The following SLC9A7 variants were observed in gnomAD, a reference collection of about 807,000 sequenced individuals.
The protein encoded by SLC9A7 is sodium/hydrogen exchanger 7.
SLC9A7 carries 19 observed loss-of-function variants against 52.6 expected under a neutral mutation model. That is an observed-to-expected ratio of 0.36 (90% CI 0.25 to 0.53). The LOEUF is 0.53. Among genes scored for constraint, SLC9A7 ranks in the 20% least tolerant of loss-of-function variants. The probability of loss-of-function intolerance (pLI) is 0.91; values close to 1 mark genes in which losing one functional copy is unlikely to be tolerated. For synonymous variants in SLC9A7, 226 were observed against 252.1 expected (o/e 0.90, Z 0.98); for missense variants, 455 against 597.9 (o/e 0.76, Z 2.49).
At chrX:46,628,914 T>C (rs192336032) in intron 14 of SLC9A7, among the ~76,000 whole-genome samples, 14 of 112,584 alleles carry the variant, frequency 1.2e-4, no homozygotes, top group Non-Finnish European at 1.9e-4. Context: ...AGTGGCTCAC[T>C]AGAATGAGGA....
At chrX:46,758,645 C>A in intron 1 of SLC9A7, 60 bp downstream of exon 1, 1 of 826,545 alleles carries the variant, frequency 1.2e-6, no homozygotes, top group Non-Finnish European at 1.6e-6. Flanking sequence ...CCGCGCGGCG[C>A]CAGGAGGAGC....
chrX:46,679,942 C>G (rs936432871), intron 2 of SLC9A7, among the ~76,000 whole-genome samples, 187 bp from the exon 3 acceptor site: 1 of 112,274 alleles, frequency 8.9e-6, no homozygotes, highest in Admixed American at 9.4e-5. Context: ...ATGCTCTTCT[C>G]CCCATAACAC....
At chrX:46,620,426 A>G (rs1452876863) in intron 15 of SLC9A7, among the ~76,000 whole-genome samples, 3 of 111,195 alleles carry the variant, frequency 2.7e-5, no homozygotes, top group Non-Finnish European at 5.7e-5. Flanking sequence ...CTCAAAAACA[A>G]AAAACAAACA....
intron 10 of SLC9A7, among the ~76,000 whole-genome samples, chrX:46,650,173 T>C (rs1943559286): frequency 8.9e-6 from 1 of 111,838 alleles, no homozygotes; most frequent in Non-Finnish European, 1.9e-5. Context: ...AGAAAAACAC[T>C]GCTTTTTTGC....
At chrX:46,722,364 A>C (rs986912460) in intron 1 of SLC9A7, among the ~76,000 whole-genome samples, 1 of 112,216 alleles carries the variant, frequency 8.9e-6, no homozygotes. Flanking sequence ...GCTTTAAAAA[A>C]AACACTTTGT....
intron 15 of SLC9A7, 52 bp downstream of exon 15, chrX:46,620,925 G>A: frequency 4.3e-6 from 4 of 936,924 alleles, no homozygotes; most frequent in Non-Finnish European, 6.1e-6. Flanking sequence ...AATTCAACAA[G>A]ATTTCATCCC....
chrX:46,673,766 G>A (rs183733267), intron 3 of SLC9A7, among the ~76,000 whole-genome samples: 2 of 111,520 alleles, frequency 1.8e-5, no homozygotes, highest in African/African-American at 6.5e-5. Flanking sequence ...CTGCATCCCA[G>A]ACACAGGGCC....
chrX:46,679,199 G>A (rs1944171910), intron 3 of SLC9A7, among the ~76,000 whole-genome samples: 1 of 112,618 alleles, frequency 8.9e-6, no homozygotes, highest in Admixed American at 9.4e-5. Context: ...GTTGTTGGGT[G>A]TATCAATAGG....
chrX:46,752,426 G>C (rs1556288805), intron 1 of SLC9A7, among the ~76,000 whole-genome samples: 1 of 111,138 alleles, frequency 9.0e-6, no homozygotes, highest in South Asian at 3.8e-4. Context: ...TAGTCTCTTT[G>C]ACCTCCCTTA....
chrX:46,608,976 A>T (rs769160416), intron 16 of SLC9A7, among the ~76,000 whole-genome samples: 1 of 108,890 alleles, frequency 9.2e-6, no homozygotes, highest in South Asian at 4.0e-4. Flanking sequence ...CGAATTTCCA[A>T]CTCCTGGGGA....
At chrX:46,673,589 C>G (rs1019638697) in intron 3 of SLC9A7, among the ~76,000 whole-genome samples, 2 of 112,131 alleles carry the variant, frequency 1.8e-5, no homozygotes, top group African/African-American at 6.5e-5. Context: ...TCTGATCAAA[C>G]AAGGGCCAGG....
intron 7 of SLC9A7, among the ~76,000 whole-genome samples, chrX:46,655,685 A>G (rs1347254292): frequency 1.8e-5 from 2 of 112,757 alleles, no homozygotes; most frequent in Admixed American, 1.9e-4. Flanking sequence ...ACAGCGCACC[A>G]GGAGATTATA....
intron 1 of SLC9A7, among the ~76,000 whole-genome samples, chrX:46,729,434 A>G (rs1416823597): frequency 8.9e-6 from 1 of 112,187 alleles, no homozygotes; most frequent in Non-Finnish European, 1.9e-5. Flanking sequence ...CATACATACA[A>G]TCTAATGAAC....
chrX:46,678,079 T>G (rs775302476), intron 3 of SLC9A7, among the ~76,000 whole-genome samples: 2 of 112,103 alleles, frequency 1.8e-5, no homozygotes, highest in East Asian at 5.5e-4. Context: ...CCTTTTAATA[T>G]CTGAAGGGTC....
At chrX:46,647,980 G>A (rs138777310) in intron 11 of SLC9A7, among the ~76,000 whole-genome samples, 15 of 112,234 alleles carry the variant, frequency 1.3e-4, no homozygotes, top group African/African-American at 3.6e-4. Flanking sequence ...TAAAGCTGAC[G>A]CTTACCACCC....
intron 3 of SLC9A7, among the ~76,000 whole-genome samples, chrX:46,675,842 C>T (rs774893318): frequency 2.4e-4 from 27 of 112,019 alleles, no homozygotes; most frequent in African/African-American, 8.4e-4. Flanking sequence ...CATTACATCA[C>T]ATCCCTTTTG....
Position 46,738,027 on chromosome X carries a change from A to G in SLC9A7, c.325+20678T>C, listed in dbSNP as rs184012595. ...AGGAAACAGAGTGAGACCCTGTCTC[A>G]AAAAAAAGAAAGAAAGAAAGAAAGA... On this transcript the variant is annotated intron_variant, in intron 1 of 16. Coordinates refer to ENST00000616978, the MANE Select transcript of SLC9A7 (RefSeq NM_001257291.2). Among the ~76,000 whole-genome samples the G allele has an allele frequency of 3.4e-3, 301 of 88,032 alleles. 2 individuals carry two copies. The highest frequency in any genetic ancestry group is 0.013 in the African/African-American group (286 of 21,360). 76.4% of individuals were successfully genotyped at this position (88,032 alleles called of 115,157 possible).
chrX:46,619,714 G>A (rs1177291192), intron 15 of SLC9A7, among the ~76,000 whole-genome samples: 1 of 98,912 alleles, frequency 1.0e-5, no homozygotes, highest in East Asian at 3.2e-4. Context: ...TGGCATGAGG[G>A]GTTTGGCAAT....
intron 15 of SLC9A7, among the ~76,000 whole-genome samples, chrX:46,619,679 G>A (rs1158499542): frequency 9.0e-6 from 1 of 110,745 alleles, no homozygotes; most frequent in Non-Finnish European, 1.9e-5. Flanking sequence ...CATTTGGGGA[G>A]GGGGAAGGGG....
Sources: gnomAD v4.1 joint callset for allele counts (sites outside exome capture counted in the v4.1 genomes callset) on GRCh38, gnomAD v4.1.1 for gene constraint, MANE v1.5 for transcripts, NCBI Gene and HGNC (gene_info 2026-07-23, HGNC 2026-07-21) for gene names.